Variants in IKZF2 observed in about 807,000 individuals in gnomAD.
IKZF2 encodes zinc finger protein Helios.
Under a neutral mutation model 49.2 loss-of-function variants are expected in IKZF2, and 15 were observed. That is an observed-to-expected ratio of 0.30 (90% CI 0.20 to 0.47). The LOEUF (loss-of-function observed/expected upper bound fraction) is 0.47. Among genes scored for constraint, IKZF2 ranks in the 20% least tolerant of loss-of-function variants. IKZF2 has a pLI of 1.00. For synonymous variants in IKZF2, 227 were observed against 221.4 expected (o/e 1.03, Z -0.23); for missense variants, 567 against 664.6 (o/e 0.85, Z 1.61).
rs1007299586 is a variant in IKZF2, at chr2:213,078,585, T to A, written c.140-21486A>T. ...TATTTGAGCAAAATCACACAGCTAA[T>A]AAGTAAGTTGAAGAGCAGGGCTTAG... On this transcript the variant is annotated intron_variant, in intron 4 of 8. Transcript: ENST00000434687. 3.3e-5 allele frequency among the ~76,000 whole-genome samples: 5 copies of A among 152,240 alleles called. No homozygotes were observed. In the East Asian group the frequency reaches 9.6e-4, roughly 29 times the overall value.
intron 4 of IKZF2, among the ~76,000 whole-genome samples, chr2:213,143,859 A>T (rs1490111622): frequency 6.6e-6 from 1 of 151,984 alleles, no homozygotes; most frequent in Non-Finnish European, 1.5e-5. Flanking sequence ...TATTTGTCAC[A>T]AAAATATGGG....
rs986264434 is a variant in IKZF2 at position 213,057,029 on chromosome 2, C to T, written c.210G>A (p.Glu70=). The T allele has an allele frequency of 1.9e-6, 3 of 1,613,794 alleles. No homozygotes were observed. The highest frequency in any genetic ancestry group is 2.7e-5 in the African/African-American group (2 of 74,926). The part of the protein sequence containing the change: ...CDRKPLSRED[E]IRGHDEGSSL... The stretch of plus-strand genomic sequence containing the variant: ...TGCTACCCTCATCATGGCCCCTGAT[C>T]TCATCTTCACGGCTCAGGGGTTTCC... The change falls in exon 5 of 9, where the codon GAG becomes GAA. Residue 70 remains glutamate (E), a synonymous_variant. Coordinates refer to ENST00000434687, the MANE Select transcript of IKZF2 (RefSeq NM_001387220.1).
At position 213,006,478 on chromosome 2, in the gene IKZF2, T is replaced by C. The variant is rs1695355871; in HGVS notation, c.*882A>G. The C allele has an allele frequency of 6.6e-6, 1 of 152,520 alleles. No individual in the cohort carries two copies. Among genetic ancestry groups the C allele is most frequent in the Non-Finnish European group, 1.5e-5 (1 of 67,986 alleles). 9.4% of individuals were successfully genotyped at this position (152,520 alleles called of 1,614,324 possible). On this transcript the variant is annotated 3_prime_UTR_variant, in exon 9 of 9. Coordinates refer to ENST00000434687, the MANE Select transcript of IKZF2 (RefSeq NM_001387220.1). ...TACTATGCTGCCATCACATTACAACTTTAAAAGAAAACCTCTCAAACAAAT... is the reference window on the plus strand; with the variant it reads ...TACTATGCTGCCATCACATTACAACCTTAAAAGAAAACCTCTCAAACAAAT...
intron 4 of IKZF2, among the ~76,000 whole-genome samples, chr2:213,118,557 A>G (rs187591755): frequency 6.6e-6 from 1 of 152,368 alleles, no homozygotes; most frequent in African/African-American, 2.4e-5. Context: ...AGTTGAAAGA[A>G]TATTAATCAA....
intron 4 of IKZF2, among the ~76,000 whole-genome samples, chr2:213,143,630 A>T (rs2060948797): frequency 6.6e-6 from 1 of 151,936 alleles, no homozygotes. Flanking sequence ...TGGCGACTTA[A>T]AACAGAAGAT....
chr2:213,107,174 T>A (rs2059562318), intron 4 of IKZF2, among the ~76,000 whole-genome samples: 1 of 152,046 alleles, frequency 6.6e-6, no homozygotes, highest in Non-Finnish European at 1.5e-5. Flanking sequence ...TGAAAGACCA[T>A]CACAAAGCAC....
chr2:213,089,913 G>C (rs1023512903), intron 4 of IKZF2, among the ~76,000 whole-genome samples: 1 of 152,136 alleles, frequency 6.6e-6, no homozygotes, highest in African/African-American at 2.4e-5. Context: ...ATTATGACCA[G>C]AAATTGATCA....
chr2:213,143,949 T>C (rs1259745549), intron 4 of IKZF2, among the ~76,000 whole-genome samples: 3 of 151,924 alleles, frequency 2.0e-5, no homozygotes, highest in Non-Finnish European at 2.9e-5. Flanking sequence ...CAAGGTAATA[T>C]CACAATTTTA....
intron 4 of IKZF2, among the ~76,000 whole-genome samples, chr2:213,087,281 T>C (rs574660140): frequency 9.8e-5 from 15 of 152,302 alleles, no homozygotes; most frequent in Non-Finnish European, 1.5e-4. Context: ...GCATGGCAGA[T>C]CTTAAGAGGC....
intron 4 of IKZF2, among the ~76,000 whole-genome samples, chr2:213,101,760 C>T (rs1706704486): frequency 6.6e-6 from 1 of 152,110 alleles, no homozygotes; most frequent in Non-Finnish European, 1.5e-5. Flanking sequence ...AAATATAGTA[C>T]AGCTTGTTCC....
At chr2:213,050,574 A>T (rs958351719) in intron 5 of IKZF2, among the ~76,000 whole-genome samples, 17 of 152,154 alleles carry the variant, frequency 1.1e-4, no homozygotes, top group Non-Finnish European at 2.1e-4. Flanking sequence ...CTAATAGTAA[A>T]ACCTTTAGCA....
chr2:213,070,312 T>C (rs552973746), intron 4 of IKZF2, among the ~76,000 whole-genome samples: 7 of 152,158 alleles, frequency 4.6e-5, no homozygotes, highest in Non-Finnish European at 7.4e-5. Flanking sequence ...TTAAATGCCA[T>C]TATCTTTAAC....
In IKZF2 at chr2:213,007,459, G is replaced by C. The variant is rs1425484518; in HGVS notation, c.1482C>G (p.Gly494=). 1 of 1,613,494 alleles carries C rather than the reference G, an allele frequency of 6.2e-7. No individual in the cohort carries two copies. The highest frequency in any genetic ancestry group is 1.3e-5 in the African/African-American group (1 of 74,870). Residue 494 remains glycine (G), a synonymous_variant, in exon 9 of 9, where the codon GGC becomes GGG. Coordinates refer to ENST00000434687, the MANE Select transcript of IKZF2 (RefSeq NM_001387220.1). The part of the protein sequence containing the change: ...VMYTIHMGCH[G]YRDPLECNIC... ...TGTTGCATTCCAGTGGGTCCCGGTA[G>C]CCATGGCAACCCATGTGAATGGTGT...
chr2:213,071,886 G>C (rs1237174862), intron 4 of IKZF2, among the ~76,000 whole-genome samples: 1 of 151,650 alleles, frequency 6.6e-6, no homozygotes, highest in East Asian at 1.9e-4. Context: ...TACAATGCAA[G>C]CAAAACCTAA....
At chr2:213,101,549 T>TTA (rs910764940) in intron 4 of IKZF2, among the ~76,000 whole-genome samples, 2 of 47,088 alleles carry the variant, frequency 4.2e-5, no homozygotes, top group Non-Finnish European at 8.6e-5. Flanking sequence ...AATTCTGAGA[T>TTA]TACAAAAAAA....
chr2:213,081,770 A>C (rs1043390050), intron 4 of IKZF2, among the ~76,000 whole-genome samples: 21 of 152,190 alleles, frequency 1.4e-4, no homozygotes, highest in African/African-American at 5.1e-4. Context: ...AGCAAACCAT[A>C]AAATCATGCC....
chr2:213,119,474 C>A (rs2059980993), intron 4 of IKZF2, among the ~76,000 whole-genome samples: 1 of 151,734 alleles, frequency 6.6e-6, no homozygotes, highest in Admixed American at 6.6e-5. Context: ...TGCGAGCCAG[C>A]ATAAACAAGA....
chr2:213,041,346 G>A lies in IKZF2; in HGVS notation c.574+8367C>T, dbSNP rs1177715080. 7.3e-5 allele frequency among the ~76,000 whole-genome samples: 11 copies of A among 149,946 alleles called. No homozygotes were observed. In the East Asian group the frequency reaches 2.0e-3, roughly 27 times the overall value. Reference sequence around the variant, plus strand: ...TTGACTGTAATCTTTTTTTGGGGGGGGTGGGAGGATGGAGTTTCGCTCTGT... The same window carrying A: ...TTGACTGTAATCTTTTTTTGGGGGGAGTGGGAGGATGGAGTTTCGCTCTGT... On this transcript the variant is annotated intron_variant, in intron 6 of 8. Coordinates refer to ENST00000434687, the MANE Select transcript of IKZF2 (RefSeq NM_001387220.1).
chr2:213,151,128 C>A (rs1434951723), intron 1 of IKZF2, among the ~76,000 whole-genome samples: 1 of 152,084 alleles, frequency 6.6e-6, no homozygotes, highest in East Asian at 1.9e-4. Flanking sequence ...AGGACATCAT[C>A]TTCAACCCGA....
Sources: allele counts gnomAD v4.1 joint callset (sites outside exome capture counted in the v4.1 genomes callset), GRCh38; gene constraint gnomAD v4.1.1; transcripts MANE v1.5; gene names NCBI Gene and HGNC (gene_info 2026-07-23, HGNC 2026-07-21).